The following PARD3B variants were observed in gnomAD, a reference collection of about 807,000 sequenced individuals.
The protein encoded by PARD3B is par-3 family cell polarity regulator beta, also known as partitioning defective 3 homolog B.
PARD3B carries 103 observed loss-of-function variants against 130.2 expected under a neutral mutation model. That is an observed-to-expected ratio of 0.79 (90% CI 0.67 to 0.93). PARD3B has a LOEUF of 0.93. Among genes scored for constraint, PARD3B ranks in the 40% least tolerant of loss-of-function variants. PARD3B has a pLI of 0.00. For synonymous variants in PARD3B, 583 were observed against 553.2 expected (o/e 1.05, Z -0.76); for missense variants, 1,609 against 1,499.2 (o/e 1.07, Z -1.21).
chr2:204,823,274 TAA>T (rs2043436601), intron 2 of PARD3B, among the ~76,000 whole-genome samples: 1 of 152,034 alleles, frequency 6.6e-6, no homozygotes, highest in Non-Finnish European at 1.5e-5. Flanking sequence ...ATTGAAAAAA[TAA>T]GTGTCATTTA....
intron 1 of PARD3B, among the ~76,000 whole-genome samples, chr2:204,607,242 A>G (rs1216005242): frequency 6.6e-6 from 1 of 152,222 alleles, no homozygotes; most frequent in African/African-American, 2.4e-5. Context: ...AGATTATCAT[A>G]TAGACGAATG....
Position 205,460,572 on chromosome 2 carries a change from G to T in PARD3B, c.3044+19900G>T, listed in dbSNP as rs1271276548. Reference sequence around the variant, plus strand: ...TGAGGTTATCATCTTTCTCCTAGTGGTCATTAACATAGAGTTTGAAGCTGG... The same window carrying T: ...TGAGGTTATCATCTTTCTCCTAGTGTTCATTAACATAGAGTTTGAAGCTGG... On this transcript the variant is annotated intron_variant, in intron 20 of 22. Coordinates refer to ENST00000406610, the MANE Select transcript of PARD3B (RefSeq NM_001302769.2). The surrounding 1 kb of genome is among the most constrained non-coding windows in gnomAD (Gnocchi z 4.9). 6.6e-6 allele frequency among the ~76,000 whole-genome samples: 1 copy of T among 152,012 alleles called. No individual in the cohort carries two copies. The highest frequency in any genetic ancestry group is 1.5e-5 in the Non-Finnish European group (1 of 68,028).
intron 1 of PARD3B, among the ~76,000 whole-genome samples, chr2:204,616,925 T>C (rs914004433): frequency 5.9e-5 from 9 of 152,200 alleles, no homozygotes; most frequent in African/African-American, 1.9e-4. Context: ...GTGCAGTATG[T>C]GTTAAGTTCT....
chr2:205,492,482 T>A (rs1373237639), intron 20 of PARD3B, among the ~76,000 whole-genome samples: 1 of 152,156 alleles, frequency 6.6e-6, no homozygotes, highest in Non-Finnish European at 1.5e-5. Flanking sequence ...TTGGGGGGAA[T>A]CTTTTGGCAA....
At position 204,746,835 on chromosome 2, in the gene PARD3B, T is replaced by C. The variant is rs533754117; in HGVS notation, c.222+60553T>C. Among the ~76,000 whole-genome samples, 6 of 152,312 alleles carry C rather than the reference T, an allele frequency of 3.9e-5. No homozygotes were observed. In the South Asian group the frequency reaches 1.2e-3, roughly 32 times the overall value. Reference sequence around the variant, plus strand: ...CCACTTTGTGATGGGGTTGTTTTTTTCTTGTAAATTTGTTTGAGTTCTTTG... The same window carrying C: ...CCACTTTGTGATGGGGTTGTTTTTTCCTTGTAAATTTGTTTGAGTTCTTTG... On this transcript the variant is annotated intron_variant, in intron 2 of 22. Transcript: ENST00000406610.
chr2:204,600,892 G>C (rs978764053), intron 1 of PARD3B, among the ~76,000 whole-genome samples: 1 of 151,704 alleles, frequency 6.6e-6, no homozygotes, highest in Non-Finnish European at 1.5e-5. Flanking sequence ...GAGCTAGATA[G>C]TTGAATCTTT....
At chr2:204,681,236 G>A (rs1469320209) in intron 1 of PARD3B, among the ~76,000 whole-genome samples, 10 of 151,904 alleles carry the variant, frequency 6.6e-5, no homozygotes, top group African/African-American at 1.7e-4. Context: ...GGATTAGTAT[G>A]GCCATACCAA....
chr2:204,647,600 T>C (rs908014554), intron 1 of PARD3B, among the ~76,000 whole-genome samples: 4 of 151,856 alleles, frequency 2.6e-5, no homozygotes, highest in East Asian at 1.9e-4. Flanking sequence ...AGTGGTACAC[T>C]GTGATCATAT....
rs1341603927 is a variant in PARD3B at position 204,725,901 on chromosome 2, G to C, written c.222+39619G>C. 1.1e-4 allele frequency among the ~76,000 whole-genome samples: 17 copies of C among 152,338 alleles called. No individual in the cohort carries two copies. In the South Asian group the frequency reaches 3.3e-3, roughly 30 times the overall value. On this transcript the variant is annotated intron_variant, in intron 2 of 22. Transcript: ENST00000406610. The stretch of plus-strand genomic sequence containing the variant: ...AGCTGCTGACATCTGGGAAGTGACA[G>C]TAGCTGACAGACCATGTTGGCACAG...
intron 4 of PARD3B, among the ~76,000 whole-genome samples, chr2:205,087,820 AC>A (rs1559424646): frequency 6.7e-6 from 1 of 148,362 alleles, no homozygotes. Context: ...AAACAGCTCT[AC>A]CAGGCTTGAA....
chr2:205,149,881 A>G (rs1310771499), intron 10 of PARD3B, among the ~76,000 whole-genome samples: 2 of 152,192 alleles, frequency 1.3e-5, no homozygotes, highest in Admixed American at 6.5e-5. Flanking sequence ...GGAAGGGGGT[A>G]CTGCTAACGT....
At chr2:205,522,390 T>C (rs76181717) in intron 21 of PARD3B, among the ~76,000 whole-genome samples, 2,333 of 152,170 alleles carry the variant, frequency 0.015, 54 homozygotes, top group African/African-American at 0.052. Flanking sequence ...TTTAAGTTTT[T>C]ATTATTAATG....
intron 1 of PARD3B, among the ~76,000 whole-genome samples, chr2:204,572,361 AG>A (rs1471097150): frequency 6.6e-6 from 1 of 152,156 alleles, no homozygotes; most frequent in Non-Finnish European, 1.5e-5. Flanking sequence ...GCAGAGTAGC[AG>A]ACATTATTGC....
chr2:205,272,435 G>C (rs959771557), intron 16 of PARD3B, among the ~76,000 whole-genome samples: 1 of 152,038 alleles, frequency 6.6e-6, no homozygotes, highest in Non-Finnish European at 1.5e-5. Flanking sequence ...GTAAACTTTA[G>C]TATATTTTAT....
At chr2:205,067,410 T>G (rs1347826210) in intron 4 of PARD3B, among the ~76,000 whole-genome samples, 2 of 152,088 alleles carry the variant, frequency 1.3e-5, no homozygotes, top group Non-Finnish European at 2.9e-5. Context: ...ACCATCCTCC[T>G]GTCTTGGCCT....
intron 3 of PARD3B, among the ~76,000 whole-genome samples, chr2:204,996,970 G>T (rs1283123388): frequency 6.6e-6 from 1 of 151,890 alleles, no homozygotes; most frequent in African/African-American, 2.4e-5. Context: ...ACTGGCCTGC[G>T]CCCACTGTCT....
rs1402822989 is a variant in PARD3B, at chr2:205,309,534, A to G, written c.2630+7833A>G. Among the ~76,000 whole-genome samples the G allele has an allele frequency of 6.6e-6, 1 of 152,150 alleles. No individual in the cohort carries two copies. The highest frequency in any genetic ancestry group is 1.5e-5 in the Non-Finnish European group (1 of 68,022). ...TAAACTAGGGGAATTCTATATAAAGACATCCTGCTGTGAATTATTTTAAAA... is the reference window on the plus strand; with the variant it reads ...TAAACTAGGGGAATTCTATATAAAGGCATCCTGCTGTGAATTATTTTAAAA... On this transcript the variant is annotated intron_variant, in intron 18 of 22. Transcript: ENST00000406610. This position sits in a 1 kb window ranked among gnomAD's most constrained non-coding sequence, Gnocchi z 4.7.
chr2:205,310,111 G>T (rs2042325971), intron 18 of PARD3B, among the ~76,000 whole-genome samples: 1 of 136,834 alleles, frequency 7.3e-6, no homozygotes, highest in East Asian at 2.1e-4. Context: ...TTGAGACAGA[G>T]TCTCACTGTG....
chr2:204,875,542 G>C (rs745723833), intron 2 of PARD3B, among the ~76,000 whole-genome samples: 8 of 152,094 alleles, frequency 5.3e-5, no homozygotes, highest in African/African-American at 1.7e-4. Context: ...AACCAATTCC[G>C]ACATCATGCC....
Sources: gnomAD v4.1 joint callset for allele counts (sites outside exome capture counted in the v4.1 genomes callset) on GRCh38, gnomAD v4.1.1 for gene constraint, Gnocchi (gnomAD v3.1) non-coding constraint, MANE v1.5 for transcripts, NCBI Gene and HGNC (gene_info 2026-07-23, HGNC 2026-07-21) for gene names.